The following PTCHD4 variants were observed in gnomAD, a reference collection of about 807,000 sequenced individuals.
The protein encoded by PTCHD4 is patched domain-containing protein 4.
PTCHD4 carries 33 observed loss-of-function variants against 58.1 expected under a neutral mutation model. The observed-to-expected ratio is 0.57, with a 90% CI of 0.43 to 0.76. The LOEUF is 0.76. PTCHD4 is among the 30% of genes least tolerant of loss of function. PTCHD4 has a pLI of 0.00. For missense variants in PTCHD4, 1,058 were observed against 1,027.1 expected (o/e 1.03, Z -0.41); for synonymous variants, 478 against 409.6 (o/e 1.17, Z -2.02).
chr6:48,041,879 T>A (rs999513081), intron 3 of PTCHD4, among the ~76,000 whole-genome samples: 1 of 152,062 alleles, frequency 6.6e-6, no homozygotes, highest in Admixed American at 6.6e-5. Flanking sequence ...TATTTGTGAA[T>A]GTTTATATAA....
chr6:48,002,754 T>TATAATA (rs139742079), intron 4 of PTCHD4, among the ~76,000 whole-genome samples: 15,975 of 149,444 alleles, frequency 0.11, 1,067 homozygotes, highest in South Asian at 0.19. Context: ...AAACTTAAAG[T>TATAATA]ATAATAATAA....
chr6:47,975,590 C>T (rs1767665288), intron 4 of PTCHD4, among the ~76,000 whole-genome samples: 1 of 152,074 alleles, frequency 6.6e-6, no homozygotes, highest in South Asian at 2.1e-4. Context: ...TTTTGAGAGC[C>T]ACTTCTTCAC....
rs548893098 is a variant in PTCHD4 at position 47,863,804 on chromosome 6, T to C, written c.*14499A>G. Among the ~76,000 whole-genome samples, 4 of 152,100 alleles carry C rather than the reference T, an allele frequency of 2.6e-5. No individual in the cohort carries two copies. The South Asian group carries it at 8.3e-4, about 32-fold the overall frequency. On this transcript the variant is annotated 3_prime_UTR_variant, in exon 5 of 5. Coordinates refer to ENST00000339488, the MANE Select transcript of PTCHD4 (RefSeq NM_001384253.1). ...TCCTAAATTTTCTTCATGAAAAGAC[T>C]GTCCAGAGCAACTTATTACAAATAG...
At chr6:48,099,168 C>T (rs1765541791) in intron 1 of PTCHD4, among the ~76,000 whole-genome samples, 2 of 152,178 alleles carry the variant, frequency 1.3e-5, no homozygotes, top group Non-Finnish European at 2.9e-5. Context: ...TACTAATGCA[C>T]ACTTGGAGAG....
intron 4 of PTCHD4, among the ~76,000 whole-genome samples, chr6:47,999,060 C>G (rs1015858694): frequency 6.6e-6 from 1 of 152,182 alleles, no homozygotes; most frequent in African/African-American, 2.4e-5. Flanking sequence ...AGACACAGTT[C>G]TATCCCCCAG....
intron 4 of PTCHD4, among the ~76,000 whole-genome samples, chr6:47,994,949 AG>A (rs1768425890): frequency 6.6e-6 from 1 of 152,212 alleles, no homozygotes; most frequent in Non-Finnish European, 1.5e-5. Flanking sequence ...ACAACCAAAA[AG>A]AAAAATGTTC....
In PTCHD4 at chr6:48,058,704, C is replaced by T. The variant is rs567718869; in HGVS notation, c.417+9526G>A. On this transcript the variant is annotated intron_variant, in intron 3 of 4. Coordinates refer to ENST00000339488, the MANE Select transcript of PTCHD4 (RefSeq NM_001384253.1). ...TCAAGGCTAGCTCTATTTAGAATAT[C>T]ATAAAAATACAATCTTGAAAATACT... 3.3e-5 allele frequency among the ~76,000 whole-genome samples: 5 copies of T among 152,280 alleles called. No homozygotes were observed. In the South Asian group the frequency reaches 6.2e-4, roughly 19 times the overall value.
chr6:47,906,563 C>A (rs1458306003), intron 4 of PTCHD4, among the ~76,000 whole-genome samples: 1 of 152,170 alleles, frequency 6.6e-6, no homozygotes, highest in Admixed American at 6.5e-5. Context: ...CTCATTTTCT[C>A]TTTTTGCACC....
intron 4 of PTCHD4, among the ~76,000 whole-genome samples, chr6:47,898,348 G>A (rs1469469779): frequency 1.3e-5 from 2 of 152,118 alleles, no homozygotes; most frequent in African/African-American, 2.4e-5. Context: ...GACTTGTTGT[G>A]TAATATTAAT....
chr6:47,886,631 T>C lies in PTCHD4; in HGVS notation c.899-6695A>G, dbSNP rs993140337. Among the ~76,000 whole-genome samples the C allele has an allele frequency of 3.3e-5, 5 of 152,136 alleles. 1 individual carries two copies. The highest frequency in any genetic ancestry group is 3.3e-4 in the Admixed American group (5 of 15,270). On this transcript the variant is annotated intron_variant, in intron 4 of 4. Coordinates refer to ENST00000339488, the MANE Select transcript of PTCHD4 (RefSeq NM_001384253.1). ...TCGTGACATCCCAATGCCAACTAAA[T>C]GAATGAATAATGAATAAAAAAAATA... is the stretch of plus-strand genomic sequence containing the variant.
In PTCHD4 at chr6:47,858,011, T is replaced by C. The variant is rs1763339402; in HGVS notation, c.*20292A>G. 6.6e-6 allele frequency among the ~76,000 whole-genome samples: 1 copy of C among 152,052 alleles called. No homozygotes were observed. The highest frequency in any genetic ancestry group is 2.4e-5 in the African/African-American group (1 of 41,442). ...CCCAAACCCCAAACACAAACATTTC[T>C]GAAACGTTTCAGTTGATTGAGCTTG... On this transcript the variant is annotated 3_prime_UTR_variant, in exon 5 of 5. Coordinates refer to ENST00000339488, the MANE Select transcript of PTCHD4 (RefSeq NM_001384253.1).
chr6:47,976,288 A>G (rs2113999331), intron 4 of PTCHD4, among the ~76,000 whole-genome samples: 1 of 152,206 alleles, frequency 6.6e-6, no homozygotes, highest in East Asian at 1.9e-4. Context: ...GGGGGAATAA[A>G]TTATCCTATC....
intron 3 of PTCHD4, among the ~76,000 whole-genome samples, chr6:48,054,531 T>G (rs1162763080): frequency 6.6e-6 from 1 of 152,160 alleles, no homozygotes; most frequent in Non-Finnish European, 1.5e-5. Flanking sequence ...CAGTTTCTAT[T>G]AGCAAGTCAG....
intron 1 of PTCHD4, among the ~76,000 whole-genome samples, chr6:48,080,057 T>G (rs1241303686): frequency 7.0e-6 from 1 of 143,070 alleles, no homozygotes; most frequent in African/African-American, 2.6e-5. Context: ...TAACTGCTGG[T>G]GTAGCAGAAT....
intron 4 of PTCHD4, among the ~76,000 whole-genome samples, chr6:47,924,233 T>C (rs1040708826): frequency 7.2e-5 from 11 of 152,034 alleles, no homozygotes; most frequent in African/African-American, 2.7e-4. Flanking sequence ...GCCAGCACTG[T>C]CCTGCTGCTG....
In PTCHD4 at chr6:47,879,269, C is replaced by T. The variant is rs768534793; in HGVS notation, c.1566G>A (p.Glu522=). Residue 522 remains glutamate, a synonymous_variant, in exon 5 of 5, where the codon GAG becomes GAA. Coordinates refer to ENST00000339488, the MANE Select transcript of PTCHD4 (RefSeq NM_001384253.1). The stretch of plus-strand genomic sequence containing the variant: ...CGCTGCTGTTCCAGTACTCTAGGGG[C>T]TCATAGACGTAGAATCCTATCACAG... ...YSPVIGFYVY[E]PLEYWNSSVQ... The T allele has an allele frequency of 1.1e-5, 18 of 1,612,486 alleles. No individual in the cohort carries two copies. The East Asian group carries it at 3.3e-4, about 30-fold the overall frequency.
chr6:48,012,956 G>A (rs1211706602), intron 3 of PTCHD4, among the ~76,000 whole-genome samples: 1 of 152,126 alleles, frequency 6.6e-6, no homozygotes, highest in Non-Finnish European at 1.5e-5. Flanking sequence ...TTTTTGATGT[G>A]CTGCTGGACT....
At chr6:48,084,362 T>C (rs1765222956) in intron 1 of PTCHD4, among the ~76,000 whole-genome samples, 1 of 152,240 alleles carries the variant, frequency 6.6e-6, no homozygotes, top group Non-Finnish European at 1.5e-5. Flanking sequence ...TGCAGTTAAA[T>C]GGATTTTGAA....
chr6:47,884,876 G>T (rs1764133933), intron 4 of PTCHD4, among the ~76,000 whole-genome samples: 1 of 152,146 alleles, frequency 6.6e-6, no homozygotes, highest in Admixed American at 6.6e-5. Context: ...TAGGCTGATG[G>T]GATAACATGA....
Sources: gnomAD v4.1 joint callset for allele counts (sites outside exome capture counted in the v4.1 genomes callset) on GRCh38, gnomAD v4.1.1 for gene constraint, MANE v1.5 for transcripts, NCBI Gene and HGNC (gene_info 2026-07-23, HGNC 2026-07-21) for gene names.